The following AFF2 variants were observed in gnomAD, a reference collection of about 807,000 sequenced individuals.
AFF2 encodes ALF transcription elongation factor 2, also known as AF4/FMR2 family member 2.
A neutral mutation model predicts 76.9 loss-of-function variants in AFF2; 14 were observed. The observed-to-expected ratio is 0.18, with a 90% CI of 0.12 to 0.28. AFF2 has a LOEUF of 0.28. Among genes scored for constraint, AFF2 ranks in the 10% least tolerant of loss-of-function variants. The pLI is 1.00. For missense variants in AFF2, 868 were observed against 1,001.1 expected (o/e 0.87, Z 1.79); for synonymous variants, 398 against 366.7 (o/e 1.09, Z -0.98).
intron 1 of AFF2, among the ~76,000 whole-genome samples, chrX:148,617,326 G>A (rs1199867685): frequency 3.6e-5 from 4 of 112,339 alleles, no homozygotes. Flanking sequence ...GATGGCCAGT[G>A]ATGATGAGCA....
At chrX:148,601,447 A>C (rs1391377162) in intron 1 of AFF2, among the ~76,000 whole-genome samples, 1 of 111,887 alleles carries the variant, frequency 8.9e-6, no homozygotes, top group Non-Finnish European at 1.9e-5. Flanking sequence ...TTAAGAAACA[A>C]AAGTCCAGTA....
intron 1 of AFF2, among the ~76,000 whole-genome samples, chrX:148,610,976 T>C (rs2053724359): frequency 8.9e-6 from 1 of 112,457 alleles, no homozygotes; most frequent in African/African-American, 3.2e-5. Flanking sequence ...TAGTTGACAT[T>C]GAAAGCAGTA....
chrX:148,663,946 C>A (rs2054333342), intron 3 of AFF2, among the ~76,000 whole-genome samples: 1 of 112,038 alleles, frequency 8.9e-6, no homozygotes, highest in Non-Finnish European at 1.9e-5. Flanking sequence ...AATATTGTTT[C>A]ATTTCTGAGG....
chrX:148,679,358 C>A (rs2054522383), intron 3 of AFF2, among the ~76,000 whole-genome samples: 1 of 109,172 alleles, frequency 9.2e-6, no homozygotes, highest in Admixed American at 1.0e-4. Flanking sequence ...ATTATGTCTT[C>A]ATAAATCAAG....
At chrX:148,952,742 C>G (rs1490716874) in intron 9 of AFF2, among the ~76,000 whole-genome samples, 1 of 111,855 alleles carries the variant, frequency 8.9e-6, no homozygotes, top group Admixed American at 9.4e-5. Flanking sequence ...AAATGCTTTG[C>G]TTGGTCAGCT....
chrX:148,879,997 C>A (rs1000005695), intron 7 of AFF2, among the ~76,000 whole-genome samples: 3 of 112,203 alleles, frequency 2.7e-5, no homozygotes, highest in Admixed American at 1.9e-4. Context: ...GGCCCACGTG[C>A]CCATGGCAGG....
chrX:148,971,747 C>CTTTTTTTTTTTTTTTTTTTTTTATTT (rs2072258647), intron 15 of AFF2, among the ~76,000 whole-genome samples: 3 of 44,732 alleles, frequency 6.7e-5, no homozygotes, highest in African/African-American at 2.8e-4. Context: ...TTTTCTATTT[C>CTTTTTTTTTTTTTTTTTTTTTTATTT]TTTTTTTTTT....
intron 9 of AFF2, among the ~76,000 whole-genome samples, chrX:148,926,798 G>A (rs1156938935): frequency 2.7e-5 from 3 of 111,740 alleles, no homozygotes; most frequent in East Asian, 2.8e-4. Flanking sequence ...GTTGATTTTC[G>A]TCAATAAAAT....
intron 1 of AFF2, among the ~76,000 whole-genome samples, chrX:148,610,031 C>T (rs782039365): frequency 6.3e-5 from 7 of 111,701 alleles, no homozygotes; most frequent in African/African-American, 2.3e-4. Flanking sequence ...ATCTGAACCT[C>T]ATGAACCTCA....
At chrX:148,896,825 T>C (rs1557280348) in intron 8 of AFF2, among the ~76,000 whole-genome samples, 3 of 110,259 alleles carry the variant, frequency 2.7e-5, no homozygotes, top group African/African-American at 9.9e-5. Context: ...TAGATGGTAT[T>C]TTTTGCCTCC....
At chrX:148,722,429 C>T (rs2055105668) in intron 3 of AFF2, among the ~76,000 whole-genome samples, 1 of 110,284 alleles carries the variant, frequency 9.1e-6, no homozygotes, top group African/African-American at 3.3e-5. Context: ...CTTCCCTCCA[C>T]TCAGGCTCGC....
In AFF2 at chrX:148,776,817, C is replaced by G. The variant is rs189697196; in HGVS notation, c.1042-33059C>G. Among the ~76,000 whole-genome samples the G allele has an allele frequency of 5.5e-4, 62 of 111,795 alleles. No individual in the cohort carries two copies. In the East Asian group the frequency reaches 0.017, roughly 30 times the overall value. ...TCATTCTGTAGGTTGCCTGTTCACTCTGATGATAGTTTCTTGTGCTGTGCA... is the reference window on the plus strand; with the variant it reads ...TCATTCTGTAGGTTGCCTGTTCACTGTGATGATAGTTTCTTGTGCTGTGCA... On this transcript the variant is annotated intron_variant, in intron 3 of 20. Coordinates refer to ENST00000370460, the MANE Select transcript of AFF2 (RefSeq NM_002025.4).
At chrX:148,766,319 C>T (rs1187799269) in intron 3 of AFF2, among the ~76,000 whole-genome samples, 1 of 110,147 alleles carries the variant, frequency 9.1e-6, no homozygotes, top group Admixed American at 9.7e-5. Flanking sequence ...ACAGTCCCAC[C>T]AACAATGTAA....
chrX:148,987,211 C>T (rs1359604551), intron 19 of AFF2, among the ~76,000 whole-genome samples, 156 bp from the exon 20 acceptor site: 1 of 111,586 alleles, frequency 9.0e-6, no homozygotes, highest in Non-Finnish European at 1.9e-5. Context: ...TCAGAACAAG[C>T]TCCACTCTGA....
At chrX:148,782,809 T>C (rs782346460) in intron 3 of AFF2, among the ~76,000 whole-genome samples, 1 of 111,788 alleles carries the variant, frequency 8.9e-6, no homozygotes, top group African/African-American at 3.2e-5. Context: ...ACTTGGGTAA[T>C]GTTTCATGAA....
intron 4 of AFF2, among the ~76,000 whole-genome samples, chrX:148,811,184 A>G (rs1160268413): frequency 9.0e-6 from 1 of 111,092 alleles, no homozygotes; most frequent in Non-Finnish European, 1.9e-5. Flanking sequence ...TCCTCGTGAG[A>G]ATGTAATGCC....
At chrX:148,818,587 T>C (rs1671414529) in intron 4 of AFF2, among the ~76,000 whole-genome samples, 1 of 111,740 alleles carries the variant, frequency 8.9e-6, no homozygotes, top group African/African-American at 3.3e-5. Flanking sequence ...ATTAGAAGTA[T>C]ATATGGAAGA....
chrX:148,935,046 C>T (rs889030972), intron 9 of AFF2, among the ~76,000 whole-genome samples: 1 of 43,166 alleles, frequency 2.3e-5, no homozygotes, highest in South Asian at 3.3e-3. Context: ...CAAAAACAAC[C>T]GAAAAGCCTA....
chrX:148,650,608 G>C (rs1438865675), intron 1 of AFF2, among the ~76,000 whole-genome samples: 1 of 112,303 alleles, frequency 8.9e-6, no homozygotes, highest in African/African-American at 3.2e-5. Flanking sequence ...GGAGAAATGA[G>C]TGTTCTTTAT....
Sources: gnomAD v4.1 joint callset for allele counts (sites outside exome capture counted in the v4.1 genomes callset) on GRCh38, gnomAD v4.1.1 for gene constraint, MANE v1.5 for transcripts, NCBI Gene and HGNC (gene_info 2026-07-23, HGNC 2026-07-21) for gene names.